The following AATF variants were observed in gnomAD, a reference collection of about 807,000 sequenced individuals.
The protein encoded by AATF is apoptosis antagonizing transcription factor.
A neutral mutation model predicts 63.7 loss-of-function variants in AATF; 48 were observed. That is an observed-to-expected ratio of 0.75 (90% CI 0.60 to 0.96). The LOEUF is 0.96. Ranked by LOEUF, AATF falls within the 40% of genes least tolerant of loss-of-function variation. The pLI, the probability that AATF is intolerant of heterozygous loss-of-function variation, is 0.00. For synonymous variants in AATF, 258 were observed against 247.7 expected, an observed-to-expected ratio of 1.04 and a Z score of -0.39; for missense variants, 639 against 685.7, an observed-to-expected ratio of 0.93 and a Z score of 0.76.
chr17:36,955,006 C>A (rs1420782203), intron 4 of AATF, among the ~76,000 whole-genome samples: 4 of 151,966 alleles, frequency 2.6e-5, no homozygotes, highest in Admixed American at 6.6e-5. Flanking sequence ...ATCTATCTCT[C>A]TATATATATA....
Position 36,949,025 on chromosome 17 carries a change from C to CCGGG in AATF, c.-101_-100insCGGG. On this transcript the variant is annotated 5_prime_UTR_variant, in exon 1 of 12. Transcript: ENST00000619387. ...GCGGTCTCTGGCGGAGTCGGGGAAT[C>CCGGG]GGATCAAGGCGAGAGGATCCGGCAG... The CCGGG allele has an allele frequency of 8.9e-7, 1 of 1,121,940 alleles. No homozygotes were observed. Among genetic ancestry groups the CCGGG allele is most frequent in the Non-Finnish European group, 1.3e-6 (1 of 785,366 alleles). 69.5% of individuals were successfully genotyped at this position (1,121,940 alleles called of 1,614,324 possible).
chr17:36,966,449 G>A (rs1265741266), intron 4 of AATF, among the ~76,000 whole-genome samples: 1 of 150,960 alleles, frequency 6.6e-6, no homozygotes, highest in Non-Finnish European at 1.5e-5. Context: ...AAAATTTCTG[G>A]TAGAGATGAG....
At chr17:37,013,319 A>G (rs1334434481) in intron 8 of AATF, among the ~76,000 whole-genome samples, 2 of 152,242 alleles carry the variant, frequency 1.3e-5, no homozygotes, top group Admixed American at 1.3e-4. Flanking sequence ...CATTATTATT[A>G]CTAAGTAAAT....
At chr17:36,957,613 G>A (rs1168858663) in intron 4 of AATF, among the ~76,000 whole-genome samples, 1 of 152,184 alleles carries the variant, frequency 6.6e-6, no homozygotes, top group Non-Finnish European at 1.5e-5. Flanking sequence ...CTACCTCCTT[G>A]AAGCGTTTAA....
intron 11 of AATF, among the ~76,000 whole-genome samples, chr17:37,038,546 A>G (rs1428007710): frequency 6.6e-6 from 1 of 152,198 alleles, no homozygotes; most frequent in African/African-American, 2.4e-5. Flanking sequence ...TGCTTCAAGG[A>G]GAGGATATTA....
In AATF at chr17:37,010,413, G is replaced by A. The variant is rs148209917; in HGVS notation, c.1399-8592G>A. Among the ~76,000 whole-genome samples the A allele has an allele frequency of 5.4e-3, 826 of 152,186 alleles. 2 individuals are homozygous for A. Among genetic ancestry groups the A allele is most frequent in the African/African-American group, 0.018 (746 of 41,500 alleles). ...GCGGAGCTTGCAGTGAGCCAAGATC[G>A]TGCCACTGCACTCCAGCCTGGGCGA... On this transcript the variant is annotated intron_variant, in intron 8 of 11. Transcript: ENST00000619387.
Position 37,011,641 on chromosome 17 carries a change from C to G in AATF, c.1399-7364C>G, listed in dbSNP as rs565859109. On this transcript the variant is annotated intron_variant, in intron 8 of 11. Transcript: ENST00000619387. ...CGTGAGGAGTGGCAGTATTTAATGG[C>G]TGGCTAGAGGGGCTGGCTGAATGTG... Among the ~76,000 whole-genome samples the G allele has an allele frequency of 7.9e-5, 12 of 152,112 alleles. 1 individual carries two copies. In the South Asian group the frequency reaches 2.5e-3, roughly 32 times the overall value.
chr17:37,007,549 G>A (rs910452208), intron 8 of AATF, among the ~76,000 whole-genome samples: 1 of 151,856 alleles, frequency 6.6e-6, no homozygotes, highest in African/African-American at 2.4e-5. Flanking sequence ...GGCAGTGGTG[G>A]AGTTCCAGGT....
chr17:36,990,774 G>A lies in AATF; in HGVS notation c.1315G>A (p.Glu439Lys). The change falls in exon 8 of 12, where the codon GAG (glutamate) becomes AAG (lysine). Residue 439 changes from glutamate to lysine, a missense_variant and splice_region_variant. Physicochemically the swap from Glu to Lys is moderately conservative, Grantham distance 56. Transcript: ENST00000619387. ...PVPESLPGEP[E>K]ILPQAPANAH... Reference sequence around the variant, plus strand: ...CTTTTCTTACTCATTGTTAACATAGGAGATCCTTCCTCAAGCCCCTGCTAA... The same window carrying A: ...CTTTTCTTACTCATTGTTAACATAGAAGATCCTTCCTCAAGCCCCTGCTAA... 1 of 1,584,576 alleles carries A rather than the reference G, an allele frequency of 6.3e-7. No homozygotes were observed. The highest frequency in any genetic ancestry group is 1.7e-4 in the Middle Eastern group (1 of 5,998).
At chr17:37,050,085 T>G (rs903277423) in intron 11 of AATF, among the ~76,000 whole-genome samples, 1 of 152,032 alleles carries the variant, frequency 6.6e-6, no homozygotes, top group Non-Finnish European at 1.5e-5. Flanking sequence ...AAGAACAGAT[T>G]TAGTTAGAAG....
intron 8 of AATF, among the ~76,000 whole-genome samples, chr17:36,994,350 A>C (rs2071238051): frequency 6.6e-6 from 1 of 152,252 alleles, no homozygotes; most frequent in African/African-American, 2.4e-5. Context: ...TGTGTTAGAA[A>C]GTAATTTTTT....
chr17:36,985,720 A>ATT (rs1333758842), intron 4 of AATF, among the ~76,000 whole-genome samples: 1 of 145,836 alleles, frequency 6.9e-6, no homozygotes, highest in African/African-American at 2.5e-5. Context: ...ATTTTTTTGT[A>ATT]TTTTTTTTTT....
At chr17:36,957,541 G>T (rs1270279195) in intron 4 of AATF, among the ~76,000 whole-genome samples, 1 of 152,172 alleles carries the variant, frequency 6.6e-6, no homozygotes, top group Non-Finnish European at 1.5e-5. Context: ...ACAATGCAGT[G>T]TTGGCCTCTT....
chr17:37,048,153 G>T (rs962019676), intron 11 of AATF, among the ~76,000 whole-genome samples: 3 of 152,010 alleles, frequency 2.0e-5, no homozygotes, highest in African/African-American at 7.2e-5. Flanking sequence ...AGAAGCCTGT[G>T]ATCCTCCTTG....
At chr17:37,055,719 G>A in intron 11 of AATF, 1 of 152,446 alleles carries the variant, frequency 6.6e-6, no homozygotes, top group Non-Finnish European at 1.5e-5. Context: ...TGCCTCTGCG[G>A]CCACGTGCTA....
chr17:37,024,060 C>T (rs943478597), intron 10 of AATF, among the ~76,000 whole-genome samples: 3 of 152,120 alleles, frequency 2.0e-5, no homozygotes, highest in Non-Finnish European at 4.4e-5. Flanking sequence ...TCAATATAGA[C>T]ACAATCATTT....
intron 5 of AATF, 63 bp downstream of exon 5, chr17:36,986,794 A>G: frequency 7.2e-7 from 1 of 1,389,496 alleles, no homozygotes; most frequent in African/African-American, 1.4e-5. Flanking sequence ...CCCATCATTT[A>G]TGAAAGAAAA....
intron 11 of AATF, among the ~76,000 whole-genome samples, chr17:37,035,307 C>G (rs1336337909): frequency 6.6e-6 from 1 of 151,424 alleles, no homozygotes; most frequent in Non-Finnish European, 1.5e-5. Context: ...CAACCTCCGC[C>G]TCCTGGGTTC....
chr17:37,004,998 T>A (rs958403568), intron 8 of AATF, among the ~76,000 whole-genome samples: 7 of 152,222 alleles, frequency 4.6e-5, no homozygotes, highest in African/African-American at 1.7e-4. Context: ...CTCGTAGTTT[T>A]GTTTGTTTTG....
Sources: gnomAD v4.1 joint callset for allele counts (sites outside exome capture counted in the v4.1 genomes callset) on GRCh38, gnomAD v4.1.1 for gene constraint, MANE v1.5 for transcripts, NCBI Gene and HGNC (gene_info 2026-07-23, HGNC 2026-07-21) for gene names.